Variants in SLC25A13 observed in about 807,000 individuals in gnomAD.
SLC25A13 encodes solute carrier family 25 member 13.
In SLC25A13, 70 loss-of-function variants were observed where a neutral mutation model predicts 85.5. The observed-to-expected ratio is 0.82, with a 90% CI of 0.68 to 1.00. The LOEUF (loss-of-function observed/expected upper bound fraction) is 1.00. Ranked by LOEUF, SLC25A13 falls within the 50% of genes least tolerant of loss-of-function variation. SLC25A13 has a pLI of 0.00. For missense variants in SLC25A13, 765 were observed against 819.8 expected, an observed-to-expected ratio of 0.93 and a Z score of 0.82; for synonymous variants, 259 against 288.7, an observed-to-expected ratio of 0.90 and a Z score of 1.04.
At chr7:96,199,084 C>T (rs2116684046) in intron 5 of SLC25A13, among the ~76,000 whole-genome samples, 1 of 152,238 alleles carries the variant, frequency 6.6e-6, no homozygotes, top group South Asian at 2.1e-4. Context: ...TTGTGTTTTC[C>T]CTGCTTCATC....
At position 96,191,112 on chromosome 7, in the gene SLC25A13, T is replaced by C. The variant is rs755315210; in HGVS notation, c.751A>G (p.Lys251Glu). 6.2e-7 allele frequency: 1 copy of C among 1,614,016 alleles called. No individual in the cohort carries two copies. Among genetic ancestry groups the C allele is most frequent in the African/African-American group, 1.3e-5 (1 of 75,046 alleles). Residue 251 changes from lysine to glutamate, a missense_variant, in exon 7 of 18, where the codon AAG (lysine) becomes GAG (glutamate). Physicochemically the swap from Lys to Glu is moderately conservative, Grantham distance 56 (BLOSUM62 1). Coordinates refer to ENST00000265631, the MANE Select transcript of SLC25A13 (RefSeq NM_014251.3). The stretch of plus-strand genomic sequence containing the variant: ...ATTCAGATATATTCTCACTCACCCT[T>C]AGTCACTTCAACATCTTTCCTGGTG... ...AGTRKDVEVT[K>E]EEFVLAAQKF... is the part of the protein sequence containing the mutation.
At chr7:96,302,158 T>G (rs796672935) in intron 1 of SLC25A13, among the ~76,000 whole-genome samples, 1 of 152,208 alleles carries the variant, frequency 6.6e-6, no homozygotes, top group African/African-American at 2.4e-5. Context: ...ACATACTAGG[T>G]AGGTACATCC....
chr7:96,306,971 C>T (rs984195399), intron 1 of SLC25A13: 63 of 842,714 alleles, frequency 7.5e-5, no homozygotes, highest in Non-Finnish European at 1.2e-4. Flanking sequence ...CCACAGGTCC[C>T]AGCACCGATG....
chr7:96,219,455 T>A (rs1356065647), intron 4 of SLC25A13, among the ~76,000 whole-genome samples: 4 of 152,202 alleles, frequency 2.6e-5, no homozygotes, highest in Non-Finnish European at 5.9e-5. Context: ...TCATGTGGCA[T>A]TCAGGAAAGA....
Position 96,241,104 on chromosome 7 carries a change from A to AAGGC in SLC25A13, c.213-6191_213-6188dup, listed in dbSNP as rs1554363841. On this transcript the variant is annotated intron_variant, in intron 3 of 17. Coordinates refer to ENST00000265631, the MANE Select transcript of SLC25A13 (RefSeq NM_014251.3). Reference sequence around the variant, plus strand: ...AAAGAAAGAAAGAAAGAAAGAAAGAAAGGCACTTTATACCAAGGGCTGGGA... The same window carrying AAGGC: ...AAAGAAAGAAAGAAAGAAAGAAAGAAAGGCAGGCACTTTATACCAAGGGCTGGGA... Among the ~76,000 whole-genome samples the AAGGC allele has an allele frequency of 8.0e-4, 116 of 145,648 alleles. 3 individuals carry two copies. Among genetic ancestry groups the AAGGC allele is most frequent in the African/African-American group, 2.6e-3 (102 of 39,280 alleles).
At chr7:96,190,876 C>A (rs1243537573) in intron 7 of SLC25A13, among the ~76,000 whole-genome samples, 1 of 152,152 alleles carries the variant, frequency 6.6e-6, no homozygotes, top group East Asian at 1.9e-4. Flanking sequence ...GCCTCCCAAA[C>A]TGCTGGGATT....
intron 13 of SLC25A13, among the ~76,000 whole-genome samples, chr7:96,151,234 T>C (rs1009946283): frequency 2.6e-4 from 39 of 152,160 alleles, no homozygotes; most frequent in African/African-American, 8.9e-4. Context: ...GAGATCAACA[T>C]CATCATCCTC....
At chr7:96,206,366 T>C (rs10215624) in intron 5 of SLC25A13, among the ~76,000 whole-genome samples, 5,559 of 152,240 alleles carry the variant, frequency 0.037, 294 homozygotes, top group African/African-American at 0.11. Flanking sequence ...CTTTAAGAAG[T>C]TACCTGTATC....
intron 1 of SLC25A13, among the ~76,000 whole-genome samples, chr7:96,319,540 CA>C (rs398005497): frequency 0.078 from 6,042 of 77,086 alleles, 198 homozygotes; most frequent in African/African-American, 0.21. Context: ...GACTCCATCT[CA>C]AAAAAAAAAA....
chr7:96,169,853 G>A (rs1793926533), intron 13 of SLC25A13, 192 bp downstream of exon 13: 2 of 626,538 alleles, frequency 3.2e-6, no homozygotes, highest in South Asian at 4.0e-5. Flanking sequence ...CAGGCAGTAA[G>A]GTCAGAAACA....
chr7:96,122,455 G>A (rs1199644458), intron 15 of SLC25A13, among the ~76,000 whole-genome samples: 1 of 152,074 alleles, frequency 6.6e-6, no homozygotes, highest in African/African-American at 2.4e-5. Flanking sequence ...AGTCACAGGA[G>A]GTGCTTTCTC....
chr7:96,265,312 T>C (rs1798008099), intron 3 of SLC25A13, among the ~76,000 whole-genome samples: 1 of 152,206 alleles, frequency 6.6e-6, no homozygotes. Flanking sequence ...GAAACTTCAT[T>C]AAACTATATT....
intron 5 of SLC25A13, 30 bp downstream of exon 5, chr7:96,208,808 C>A (rs1010868616): frequency 3.7e-6 from 6 of 1,613,174 alleles, no homozygotes; most frequent in East Asian, 2.2e-5. Context: ...CCCGGCCATA[C>A]CCTTTTAACT....
At chr7:96,168,577 G>GGTAT (rs1458219460) in intron 13 of SLC25A13, among the ~76,000 whole-genome samples, 1 of 152,082 alleles carries the variant, frequency 6.6e-6, no homozygotes, top group Non-Finnish European at 1.5e-5. Context: ...GGCACCCAGA[G>GGTAT]GTATGTGCAG....
At chr7:96,255,666 A>C (rs1209865048) in intron 3 of SLC25A13, among the ~76,000 whole-genome samples, 1 of 152,216 alleles carries the variant, frequency 6.6e-6, no homozygotes, top group Non-Finnish European at 1.5e-5. Flanking sequence ...CAGCCTGGAC[A>C]ACAGGGCAAA....
chr7:96,124,281 A>G (rs1791635676), intron 15 of SLC25A13, among the ~76,000 whole-genome samples: 2 of 152,196 alleles, frequency 1.3e-5, no homozygotes, highest in Admixed American at 1.3e-4. Flanking sequence ...ATTGAATACA[A>G]AGGTTAATAT....
At chr7:96,306,941 C>G in intron 1 of SLC25A13, 1 of 915,882 alleles carries the variant, frequency 1.1e-6, no homozygotes, top group Non-Finnish European at 1.8e-6. Context: ...CCACCACACT[C>G]GCATTTCCTC....
At position 96,178,071 on chromosome 7, in the gene SLC25A13, T is replaced by C. The variant is rs573904905; in HGVS notation, c.1177+6206A>G. On this transcript the variant is annotated intron_variant, in intron 11 of 17. Transcript: ENST00000265631. ...GGTGCCCATGTAGCAGGCATCCACA[T>C]CATGCTTCCCCCGTCTCTACAGATG... is the stretch of plus-strand genomic sequence containing the variant. 2.6e-4 allele frequency among the ~76,000 whole-genome samples: 40 copies of C among 152,226 alleles called. No homozygotes were observed. In the South Asian group the frequency reaches 7.9e-3, roughly 30 times the overall value.
chr7:96,200,594 C>T (rs1795218732), intron 5 of SLC25A13, among the ~76,000 whole-genome samples: 1 of 151,484 alleles, frequency 6.6e-6, no homozygotes, highest in South Asian at 2.1e-4. Flanking sequence ...GGGTGAAATT[C>T]CATCCCCAAT....
Sources: allele counts gnomAD v4.1 joint callset (sites outside exome capture counted in the v4.1 genomes callset), GRCh38; gene constraint gnomAD v4.1.1; transcripts MANE v1.5; gene names NCBI Gene and HGNC (gene_info 2026-07-23, HGNC 2026-07-21).